RAP1GAP2: variants seen among roughly 807,000 people sequenced by gnomAD.
The protein encoded by RAP1GAP2 is rap1 GTPase-activating protein 2.
A neutral mutation model predicts 95.0 loss-of-function variants in RAP1GAP2; 27 were observed. That is an observed-to-expected ratio of 0.28 (90% CI 0.21 to 0.39). RAP1GAP2 has a LOEUF of 0.39. RAP1GAP2 is among the 10% of genes least tolerant of loss of function. The pLI, the probability that RAP1GAP2 is intolerant of heterozygous loss-of-function variation, is 1.00. For synonymous variants in RAP1GAP2, 373 were observed against 380.9 expected (o/e 0.98, Z 0.24); for missense variants, 771 against 970.0 (o/e 0.79, Z 2.72).
intron 3 of RAP1GAP2, among the ~76,000 whole-genome samples, chr17:2,930,779 A>G (rs1002797964): frequency 8.5e-5 from 13 of 152,226 alleles, no homozygotes; most frequent in African/African-American, 3.1e-4. Context: ...TGCACGAAAC[A>G]AAACAAAATG....
At chr17:2,952,563 G>A (rs1473387501) in intron 3 of RAP1GAP2, among the ~76,000 whole-genome samples, 1 of 152,196 alleles carries the variant, frequency 6.6e-6, no homozygotes, top group Non-Finnish European at 1.5e-5. Flanking sequence ...TGTGCACTCA[G>A]CAGAGTTCCT....
intron 1 of RAP1GAP2, among the ~76,000 whole-genome samples, chr17:2,769,293 C>T (rs201315427): frequency 3.6e-5 from 5 of 137,670 alleles, no homozygotes; most frequent in East Asian, 4.7e-4. Flanking sequence ...CGGTGGCTCA[C>T]GCCTGTAATC....
intron 3 of RAP1GAP2, among the ~76,000 whole-genome samples, chr17:2,919,393 A>G (rs1400488408): frequency 6.6e-6 from 1 of 152,194 alleles, no homozygotes. Flanking sequence ...AGACTTGGAT[A>G]ATTCGGGGCT....
At chr17:2,765,515 G>T (rs1049635043) in intron 1 of RAP1GAP2, among the ~76,000 whole-genome samples, 1 of 152,046 alleles carries the variant, frequency 6.6e-6, no homozygotes, top group South Asian at 2.1e-4. Context: ...TGAGGCAGGC[G>T]GATCATTTGA....
At chr17:2,838,493 G>A (rs2071240928) in intron 2 of RAP1GAP2, among the ~76,000 whole-genome samples, 1 of 152,068 alleles carries the variant, frequency 6.6e-6, no homozygotes, top group Admixed American at 6.6e-5. Context: ...AGTTGGGATG[G>A]TGACCTGTAC....
At chr17:2,998,080 C>A in intron 13 of RAP1GAP2, 141 bp from the exon 14 acceptor site, 1 of 958,184 alleles carries the variant, frequency 1.0e-6, no homozygotes, top group Non-Finnish European at 1.6e-6. Flanking sequence ...CATACTTAAA[C>A]TTCCAAAACA....
intron 8 of RAP1GAP2, among the ~76,000 whole-genome samples, chr17:2,975,329 A>G (rs978317950): frequency 6.6e-6 from 1 of 152,274 alleles, no homozygotes; most frequent in African/African-American, 2.4e-5. Context: ...AGCCTATCAA[A>G]TTGAATTAAA....
Position 2,827,877 on chromosome 17 carries a change from G to T in RAP1GAP2, c.80+27327G>T, listed in dbSNP as rs1176260652. ...ATACACGATCGGTTGCAGCAGGCACGCCAGTGACGGTGGGGGCCCAGGGGG... is the reference window on the plus strand; with the variant it reads ...ATACACGATCGGTTGCAGCAGGCACTCCAGTGACGGTGGGGGCCCAGGGGG... On this transcript the variant is annotated intron_variant, in intron 2 of 24. Transcript: ENST00000254695. The surrounding 1 kb of genome is among the most constrained non-coding windows in gnomAD (Gnocchi z 4.1). Among the ~76,000 whole-genome samples the T allele has an allele frequency of 6.6e-6, 1 of 152,028 alleles. No homozygotes were observed. The highest frequency in any genetic ancestry group is 6.6e-5 in the Admixed American group (1 of 15,252).
intron 2 of RAP1GAP2, among the ~76,000 whole-genome samples, chr17:2,860,898 G>A (rs566440869): frequency 3.9e-5 from 6 of 152,054 alleles, no homozygotes; most frequent in Admixed American, 1.3e-4. Flanking sequence ...GAGTCACCGC[G>A]CCTGGCCGAC....
chr17:2,876,886 C>CTTTTT (rs34517318), intron 2 of RAP1GAP2, among the ~76,000 whole-genome samples: 10 of 127,500 alleles, frequency 7.8e-5, no homozygotes, highest in Admixed American at 1.6e-4. Flanking sequence ...GGTTTACGTT[C>CTTTTT]TTTTTTTTTT....
rs12947979 is a variant in RAP1GAP2 at position 3,033,361 on chromosome 17, G to T, written c.*31-31G>T. ...CCCCTCCTTCCTGTACGGAATGTTC[G>T]CTCATCGCCGCCTCCTCCTTGTCTC... On this transcript the variant is annotated intron_variant, in intron 24 of 24. Transcript: ENST00000254695. This position sits in a 1 kb window ranked among gnomAD's most constrained non-coding sequence, Gnocchi z 4.9. 0.12 allele frequency: 18,963 copies of T among 152,806 alleles called. 1,244 individuals are homozygous for T. The highest frequency in any genetic ancestry group is 0.21 in the Middle Eastern group (63 of 298). 9.5% of individuals were successfully genotyped at this position (152,806 alleles called of 1,614,324 possible). A position where few individuals can be genotyped will look rare whatever the true frequency, so the allele number is the denominator to read the frequency against.
At chr17:2,845,425 G>A (rs761124252) in intron 2 of RAP1GAP2, among the ~76,000 whole-genome samples, 5 of 152,296 alleles carry the variant, frequency 3.3e-5, no homozygotes, top group Middle Eastern at 3.4e-3. Flanking sequence ...TTACAGGCAT[G>A]TAAATGCACA....
At chr17:3,009,931 G>A (rs2046462772) in intron 17 of RAP1GAP2, among the ~76,000 whole-genome samples, 1 of 151,918 alleles carries the variant, frequency 6.6e-6, no homozygotes, top group Non-Finnish European at 1.5e-5. Flanking sequence ...GCAGGAAGGG[G>A]GGCACCACAT....
chr17:2,761,730 G>A (rs904844616), intron 1 of RAP1GAP2, among the ~76,000 whole-genome samples: 3 of 152,152 alleles, frequency 2.0e-5, no homozygotes, highest in South Asian at 2.1e-4. Context: ...AGTACAGGTC[G>A]CAGAATTTGT....
chr17:2,819,407 C>T (rs1383163287), intron 2 of RAP1GAP2, among the ~76,000 whole-genome samples: 1 of 151,694 alleles, frequency 6.6e-6, no homozygotes, highest in African/African-American at 2.4e-5. Context: ...CCTCTGCCTC[C>T]TGGGTACAAG....
At chr17:2,822,183 G>A (rs556724443) in intron 2 of RAP1GAP2, among the ~76,000 whole-genome samples, 81 of 151,494 alleles carry the variant, frequency 5.3e-4, no homozygotes, top group South Asian at 2.5e-3. Flanking sequence ...TTGCATTCAC[G>A]CACACACACA....
intron 8 of RAP1GAP2, among the ~76,000 whole-genome samples, chr17:2,976,287 A>T (rs2045116555): frequency 6.6e-6 from 1 of 152,216 alleles, no homozygotes; most frequent in African/African-American, 2.4e-5. Context: ...ACATTTTTTC[A>T]AGCTCACATG....
At chr17:2,954,632 T>C (rs964162087) in intron 3 of RAP1GAP2, among the ~76,000 whole-genome samples, 2 of 151,692 alleles carry the variant, frequency 1.3e-5, no homozygotes, top group Non-Finnish European at 2.9e-5. Flanking sequence ...CTTGCTCTGT[T>C]GCCCAGGCTG....
At chr17:3,022,047 T>A (rs2046980240) in intron 19 of RAP1GAP2, among the ~76,000 whole-genome samples, 1 of 152,196 alleles carries the variant, frequency 6.6e-6, no homozygotes, top group South Asian at 2.1e-4. Context: ...TTTTAGTGTT[T>A]TGAGGAACCT....
Sources: allele counts gnomAD v4.1 joint callset (sites outside exome capture counted in the v4.1 genomes callset), GRCh38; gene constraint gnomAD v4.1.1; non-coding constraint Gnocchi (gnomAD v3.1); transcripts MANE v1.5; gene names NCBI Gene and HGNC (gene_info 2026-07-23, HGNC 2026-07-21).